Variants in RESF1 observed in about 807,000 individuals in gnomAD.
The protein encoded by RESF1 is gonad expressed transcript.
In RESF1, 65 loss-of-function variants were observed where a neutral mutation model predicts 134.7. That is an observed-to-expected ratio of 0.48 (90% CI 0.40 to 0.59). The LOEUF is 0.59. Among genes scored for constraint, RESF1 ranks in the 20% least tolerant of loss-of-function variants. The pLI is 0.00. For missense variants in RESF1, 2,274 were observed against 2,002.7 expected (o/e 1.14, Z -2.59); for synonymous variants, 762 against 702.2 (o/e 1.09, Z -1.35).
chr12:31,988,574 C>G (rs944453952), intron 5 of RESF1, among the ~76,000 whole-genome samples: 1 of 152,162 alleles, frequency 6.6e-6, no homozygotes, highest in African/African-American at 2.4e-5. Context: ...GTCCTGGAAT[C>G]AGTCCCTCTT....
At position 31,983,926 on chromosome 12, in the gene RESF1, G is replaced by A. The variant is rs754843169; in HGVS notation, c.2971G>A (p.Val991Ile). The change falls in exon 4 of 6, where the codon GTT (valine) becomes ATT (isoleucine). Residue 991 changes from valine to isoleucine, a missense_variant. Physicochemically the swap from Val to Ile is conservative, Grantham distance 29. Transcript: ENST00000312561. ...TTTTAACAATCTTGAAACAAACAGA[G>A]TTATTCTAGAGAAAAGTAGTTTGGA... Reference protein sequence around the residue: ...SSFNNLETNRVILEKSSLEHA... With the variant: ...SSFNNLETNRIILEKSSLEHA... The A allele has an allele frequency of 4.3e-6, 7 of 1,613,822 alleles. No individual in the cohort carries two copies. The highest frequency in any genetic ancestry group is 5.9e-6 in the Non-Finnish European group (7 of 1,179,958).
At chr12:31,990,829 CAA>C (rs1940079285) in intron 5 of RESF1, among the ~76,000 whole-genome samples, 1 of 152,116 alleles carries the variant, frequency 6.6e-6, no homozygotes, top group African/African-American at 2.4e-5. Flanking sequence ...ATACCTTAGA[CAA>C]AGAGGCTGGA....
Position 31,982,073 on chromosome 12 carries a change from T to TG in RESF1, c.1120dup (p.Asp374GlyfsTer25), listed in dbSNP as rs1410163843. Reference sequence around the variant, plus strand: ...GCTCAAACTAATGAAGAGAAAATAATGGATTCTTGCAATCCAACTTCAAAT... The same window carrying TG: ...GCTCAAACTAATGAAGAGAAAATAATGGGATTCTTGCAATCCAACTTCAAAT... On this transcript the variant is annotated frameshift_variant, in exon 4 of 6. Transcript: ENST00000312561. LOFTEE classifies it high-confidence loss of function. 3.7e-6 allele frequency: 6 copies of TG among 1,614,144 alleles called. No homozygotes were observed. The highest frequency in any genetic ancestry group is 5.1e-6 in the Non-Finnish European group (6 of 1,180,036).
At position 31,980,863 on chromosome 12, in the gene RESF1, C is replaced by G; in HGVS notation, c.-78-15C>G. The G allele has an allele frequency of 1.1e-6, 1 of 942,922 alleles. No homozygotes were observed. The highest frequency in any genetic ancestry group is 1.6e-6 in the Non-Finnish European group (1 of 634,656). The allele number at this position is 942,922 out of a possible 1,614,324, so 58.4% of individuals were successfully genotyped here. On this transcript the variant is annotated splice_polypyrimidine_tract_variant and intron_variant, in intron 3 of 5. Transcript: ENST00000312561. ...GCAAAACAGCATTTTAATAAAATATCTTTATTTCTTACAGATTCCTGACAT... is the reference window on the plus strand; with the variant it reads ...GCAAAACAGCATTTTAATAAAATATGTTTATTTCTTACAGATTCCTGACAT...
rs1244537161 is a variant in RESF1, at chr12:31,983,837, A to G, written c.2882A>G (p.Gln961Arg). The G allele has an allele frequency of 3.1e-6, 5 of 1,613,266 alleles. No individual in the cohort carries two copies. Among genetic ancestry groups the G allele is most frequent in the South Asian group, 2.2e-5 (2 of 91,074 alleles). Reference sequence around the variant, plus strand: ...GGTTTTCAAAAAGATAAACCTGTACAGTGCACAGATGTTTCACATAAAATA... The same window carrying G: ...GGTTTTCAAAAAGATAAACCTGTACGGTGCACAGATGTTTCACATAAAATA... ...DFGFQKDKPV[Q>R]CTDVSHKICD... The change falls in exon 4 of 6, where the codon CAG (glutamine) becomes CGG (arginine). Residue 961 changes from glutamine to arginine, a missense_variant. By Grantham distance (43) the Gln-to-Arg change is conservative (BLOSUM62 1). Coordinates refer to ENST00000312561, the MANE Select transcript of RESF1 (RefSeq NM_018169.4).
intron 3 of RESF1, among the ~76,000 whole-genome samples, chr12:31,970,594 T>C (rs1158554200): frequency 6.6e-6 from 1 of 152,238 alleles, no homozygotes; most frequent in African/African-American, 2.4e-5. Flanking sequence ...GCTTCCAGAT[T>C]AACTTGCTTT....
intron 3 of RESF1, among the ~76,000 whole-genome samples, chr12:31,972,119 C>T (rs537152707): frequency 1.3e-5 from 2 of 152,282 alleles, no homozygotes; most frequent in East Asian, 1.9e-4. Context: ...CTCATGTGAC[C>T]TTGCCTTCTA....
intron 3 of RESF1, among the ~76,000 whole-genome samples, chr12:31,978,046 C>T (rs904664490): frequency 3.3e-5 from 5 of 151,554 alleles, no homozygotes; most frequent in African/African-American, 7.3e-5. Flanking sequence ...CTCAAGCAGT[C>T]GCCCAGCTCA....
intron 2 of RESF1, among the ~76,000 whole-genome samples, chr12:31,968,049 C>A (rs1939436993): frequency 6.6e-6 from 1 of 152,142 alleles, no homozygotes; most frequent in Admixed American, 6.5e-5. Flanking sequence ...TGGCTTTTTA[C>A]ACTGAATTGT....
In RESF1 at chr12:31,982,223, C is replaced by T. The variant is rs1188443034; in HGVS notation, c.1268C>T (p.Ala423Val). The change falls in exon 4 of 6, where the codon GCA becomes GTA. Residue 423 changes from alanine to valine, a missense_variant. Physicochemically the swap from Ala to Val is moderately conservative, Grantham distance 64 (BLOSUM62 0). Coordinates refer to ENST00000312561, the MANE Select transcript of RESF1 (RefSeq NM_018169.4). The part of the protein sequence containing the change: ...KIKINKDLLM[A>V]AGCIKMTNTS... ...AAAATCAATAAAGATCTTTTGATGG[C>T]AGCAGGTTGTATTAAAATGACTAAT... 1 of 1,613,088 alleles carries T rather than the reference C, an allele frequency of 6.2e-7. No individual in the cohort carries two copies. The highest frequency in any genetic ancestry group is 8.5e-7 in the Non-Finnish European group (1 of 1,179,776).
intron 5 of RESF1, among the ~76,000 whole-genome samples, chr12:31,991,550 G>T (rs10771897): frequency 6.6e-6 from 1 of 152,022 alleles, no homozygotes; most frequent in African/African-American, 2.4e-5. Flanking sequence ...TTTCTTGACT[G>T]TGATGGTATG....
In RESF1 at chr12:31,982,658, T is replaced by A; in HGVS notation, c.1703T>A (p.Met568Lys). ...VCETISVPKS[M>K]STEEYKSKIQ... ...GAAACAATTTCTGTTCCCAAGTCCA[T>A]GTCCACTGAGGAATATAAATCAAAA... Residue 568 changes from methionine (M) to lysine (K), a missense_variant, in exon 4 of 6, where the codon ATG becomes AAG. Physicochemically the swap from Met to Lys is moderately conservative, Grantham distance 95. Transcript: ENST00000312561. 1.2e-6 allele frequency: 2 copies of A among 1,614,116 alleles called. No homozygotes were observed. Among genetic ancestry groups the A allele is most frequent in the South Asian group, 2.2e-5 (2 of 91,074 alleles).
At chr12:31,974,730 G>T (rs964536961) in intron 3 of RESF1, among the ~76,000 whole-genome samples, 1 of 152,078 alleles carries the variant, frequency 6.6e-6, no homozygotes, top group Non-Finnish European at 1.5e-5. Context: ...CCAAGTTGAC[G>T]TAAAAGCCAG....
intron 3 of RESF1, among the ~76,000 whole-genome samples, chr12:31,972,562 T>G (rs1592253922): frequency 7.2e-6 from 1 of 137,956 alleles, no homozygotes; most frequent in Non-Finnish European, 1.5e-5. Flanking sequence ...GCCAAGATGG[T>G]GCCACTGCAC....
intron 2 of RESF1, among the ~76,000 whole-genome samples, chr12:31,963,669 A>C (rs1224790228): frequency 6.6e-6 from 1 of 152,178 alleles, no homozygotes; most frequent in Non-Finnish European, 1.5e-5. Flanking sequence ...CGTCAATTTA[A>C]GAATATTTTA....
At chr12:31,979,308 T>TCACAA in intron 3 of RESF1, among the ~76,000 whole-genome samples, 1 of 152,180 alleles carries the variant, frequency 6.6e-6, no homozygotes, top group Non-Finnish European at 1.5e-5. Flanking sequence ...TGTGATTTGA[T>TCACAA]TCAGTTCTGA....
Position 31,984,625 on chromosome 12 carries a change from A to G in RESF1, c.3670A>G (p.Arg1224Gly), listed in dbSNP as rs1565487128. 1 of 1,575,198 alleles carries G rather than the reference A, an allele frequency of 6.3e-7. No homozygotes were observed. Among genetic ancestry groups the G allele is most frequent in the East Asian group, 2.2e-5 (1 of 44,708 alleles). The change falls in exon 4 of 6, where the codon AGA (arginine) becomes GGA (glycine). Residue 1224 changes from arginine (R) to glycine (G), a missense_variant. Arg to Gly is a moderately radical substitution (Grantham distance 125). Transcript: ENST00000312561. ...SCKQGERTSD[R>G]DVTVVQFKSL... is the part of the protein sequence containing the mutation. ...TAAACAAGGAGAGAGAACTTCTGATAGAGATGTCACTGTTGTTCAATTTAA... is the reference window on the plus strand; with the variant it reads ...TAAACAAGGAGAGAGAACTTCTGATGGAGATGTCACTGTTGTTCAATTTAA...
In RESF1 at chr12:31,960,551, A is replaced by G. The variant is rs61931389; in HGVS notation, c.-341-226A>G. 0.017 allele frequency among the ~76,000 whole-genome samples: 2,537 copies of G among 152,328 alleles called. 21 individuals carry two copies. The highest frequency in any genetic ancestry group is 0.048 in the Middle Eastern group (14 of 294). ...ATTATTGTTTTGCAGTGATACTACA[A>G]TAGCGGACCTAGAGGAGCGCACATA... On this transcript the variant is annotated intron_variant, in intron 1 of 5. Coordinates refer to ENST00000312561, the MANE Select transcript of RESF1 (RefSeq NM_018169.4).
chr12:31,980,401 G>A lies in RESF1; in HGVS notation c.-78-477G>A, dbSNP rs548382511. On this transcript the variant is annotated intron_variant, in intron 3 of 5. Transcript: ENST00000312561. ...GCTAGGATTACAGGCATGAGCCACC[G>A]CACCCGGCCTTATGCCAGAAATTTA... 1.5e-4 allele frequency among the ~76,000 whole-genome samples: 23 copies of A among 152,200 alleles called. 1 individual carries two copies. The highest frequency in any genetic ancestry group is 1.0e-3 in the Admixed American group (16 of 15,282).
Sources: allele counts gnomAD v4.1 joint callset (sites outside exome capture counted in the v4.1 genomes callset), GRCh38; gene constraint gnomAD v4.1.1; transcripts MANE v1.5; gene names NCBI Gene and HGNC (gene_info 2026-07-23, HGNC 2026-07-21).